The following USP32 variants were observed in gnomAD, a reference collection of about 807,000 sequenced individuals.
USP32 encodes the protein ubiquitin carboxyl-terminal hydrolase 32.
USP32 carries 59 observed loss-of-function variants against 204.8 expected under a neutral mutation model. The ratio of observed to expected loss-of-function variants is 0.29; its 90% confidence interval spans 0.23 to 0.36. USP32 has a LOEUF of 0.36. USP32 is among the 10% of genes least tolerant of loss of function. USP32 has a pLI of 1.00. For missense variants in USP32, 1,160 were observed against 1,946.4 expected (o/e 0.60, Z 7.60); for synonymous variants, 517 against 678.4 (o/e 0.76, Z 3.70).
chr17:60,294,625 A>T, intron 4 of USP32, 58 bp downstream of exon 4: 1 of 1,147,760 alleles, frequency 8.7e-7, no homozygotes, highest in Non-Finnish European at 1.3e-6. Context: ...CTTATTACAC[A>T]ACTAAGAGTT....
chr17:60,222,234 G>T (rs918640415), intron 15 of USP32, among the ~76,000 whole-genome samples, 175 bp downstream of exon 15: 1 of 152,136 alleles, frequency 6.6e-6, no homozygotes, highest in Non-Finnish European at 1.5e-5. Flanking sequence ...CTTTATTTAT[G>T]AATGAATGAA....
upstream of USP32, among the ~76,000 whole-genome samples, chr17:60,396,262 A>C (rs1186442535): frequency 6.6e-6 from 1 of 151,864 alleles, no homozygotes; most frequent in Non-Finnish European, 1.5e-5. Context: ...TTTTCTGTAG[A>C]GACAGAGTTT....
Position 60,207,015 on chromosome 17 carries a change from T to G in USP32, c.3037+6A>C. ...ATCATGAGAAGGAGTTCTAGTTCTA[T>G]CTTACCTGTCTGTGTTGGACTAGAA... On this transcript the variant is annotated splice_donor_region_variant and intron_variant, in intron 25 of 33. Coordinates refer to ENST00000300896, the MANE Select transcript of USP32 (RefSeq NM_032582.4). 6.2e-7 allele frequency: 1 copy of G among 1,611,414 alleles called. No individual in the cohort carries two copies. Among genetic ancestry groups the G allele is most frequent in the African/African-American group, 1.3e-5 (1 of 74,922 alleles).
chr17:60,228,756 G>A (rs1042806416), intron 12 of USP32, among the ~76,000 whole-genome samples: 1 of 151,974 alleles, frequency 6.6e-6, no homozygotes, highest in African/African-American at 2.4e-5. Flanking sequence ...CCCAGGGGGT[G>A]GAGGTTGAAG....
chr17:60,186,290 G>T (rs1330760123), intron 29 of USP32, among the ~76,000 whole-genome samples: 1 of 152,188 alleles, frequency 6.6e-6, no homozygotes, highest in African/African-American at 2.4e-5. Flanking sequence ...CTCAAGCCAG[G>T]GGTGCTGATA....
chr17:60,306,660 AGCT>A (rs2087732301), intron 2 of USP32, among the ~76,000 whole-genome samples: 1 of 152,062 alleles, frequency 6.6e-6, no homozygotes, highest in African/African-American at 2.4e-5. Flanking sequence ...AAATGTCTTT[AGCT>A]ATTAAAAAAG....
chr17:60,222,822 C>T (rs1360996104), intron 14 of USP32, among the ~76,000 whole-genome samples: 1 of 151,596 alleles, frequency 6.6e-6, no homozygotes, highest in African/African-American at 2.4e-5. Flanking sequence ...TCTGGGATTA[C>T]AGGCACACGT....
chr17:60,301,431 A>G (rs576249788), intron 3 of USP32, 168 bp downstream of exon 3: 8 of 487,806 alleles, frequency 1.6e-5, no homozygotes, highest in South Asian at 5.8e-5. Flanking sequence ...ATTTTAATTT[A>G]TATTTCTCTA....
chr17:60,230,912 G>A (rs921246304), intron 12 of USP32, among the ~76,000 whole-genome samples: 12 of 152,020 alleles, frequency 7.9e-5, no homozygotes, highest in East Asian at 3.8e-4. Context: ...GGCTGCTTGC[G>A]GAAATTTTTG....
chr17:60,380,213 G>A (rs1314914713), intron 1 of USP32, among the ~76,000 whole-genome samples: 3 of 152,120 alleles, frequency 2.0e-5, no homozygotes, highest in African/African-American at 7.2e-5. Flanking sequence ...ATAGATAAAA[G>A]CAGTCTATGG....
At chr17:60,304,725 C>T (rs1598220709) in intron 2 of USP32, among the ~76,000 whole-genome samples, 1 of 152,144 alleles carries the variant, frequency 6.6e-6, no homozygotes, top group Non-Finnish European at 1.5e-5. Context: ...GTTTATTATA[C>T]CAATTCACAT....
At chr17:60,231,769 A>C (rs2085557620) in intron 12 of USP32, 2 of 263,514 alleles carry the variant, frequency 7.6e-6, no homozygotes, top group South Asian at 8.3e-5. Context: ...CACATTATGT[A>C]ATGTAATAAT....
chr17:60,409,603 A>T (rs2090003917), intron 1 of USP32, among the ~76,000 whole-genome samples: 1 of 152,242 alleles, frequency 6.6e-6, no homozygotes, highest in Non-Finnish European at 1.5e-5. Flanking sequence ...GATAAATCTG[A>T]CATAGAAAAA....
chr17:60,383,179 G>A (rs1019964986), intron 1 of USP32, among the ~76,000 whole-genome samples: 1 of 149,596 alleles, frequency 6.7e-6, no homozygotes, highest in Middle Eastern at 3.4e-3. Context: ...CCAGGAGGTA[G>A]AGGTTGCAGT....
chr17:60,194,191 G>A (rs537768661), intron 27 of USP32, among the ~76,000 whole-genome samples: 12 of 152,086 alleles, frequency 7.9e-5, no homozygotes, highest in East Asian at 5.8e-4. Context: ...TTACAGGCAC[G>A]CAACACCATA....
In USP32 at chr17:60,259,494, G is replaced by A. The variant is rs552505714; in HGVS notation, c.991-4236C>T. ...GGAGTCTTGTCCAGGGTTGGTTCCT[G>A]TCTTGTACCCTGAGCTGCAGGGATA... On this transcript the variant is annotated intron_variant, in intron 9 of 33. Coordinates refer to ENST00000300896, the MANE Select transcript of USP32 (RefSeq NM_032582.4). Among the ~76,000 whole-genome samples the A allele has an allele frequency of 4.6e-5, 7 of 152,256 alleles. No individual in the cohort carries two copies. In the South Asian group the frequency reaches 1.5e-3, roughly 32 times the overall value.
chr17:60,392,080 T>C lies in USP32; in HGVS notation c.-141A>G. On this transcript the variant is annotated 5_prime_UTR_variant, in exon 1 of 34. Transcript: ENST00000300896. ...CTCCCCCCACACTAACAAGTGCGGC[T>C]TCTGCCCCGGCGGCTCCTCCCGGTC... 1.1e-6 allele frequency: 1 copy of C among 925,548 alleles called. No individual in the cohort carries two copies. Among genetic ancestry groups the C allele is most frequent in the Non-Finnish European group, 1.5e-6 (1 of 656,422 alleles). The allele number at this position is 925,548 out of a possible 1,614,324, so 57.3% of individuals were successfully genotyped here.
At chr17:60,223,612 C>G (rs763883309) in intron 13 of USP32, 26 bp from the exon 14 acceptor site, 4 of 1,570,740 alleles carry the variant, frequency 2.5e-6, no homozygotes, top group South Asian at 2.4e-5. Flanking sequence ...AGGATAGAAT[C>G]TCTTATTTTT....
intron 1 of USP32, among the ~76,000 whole-genome samples, chr17:60,355,919 T>G (rs2089065802): frequency 6.7e-6 from 1 of 148,320 alleles, no homozygotes; most frequent in Non-Finnish European, 1.5e-5. Flanking sequence ...AAAGCAGTAT[T>G]TGTGGTGTTT....
Sources: allele counts gnomAD v4.1 joint callset (sites outside exome capture counted in the v4.1 genomes callset), GRCh38; gene constraint gnomAD v4.1.1; transcripts MANE v1.5; gene names NCBI Gene and HGNC (gene_info 2026-07-23, HGNC 2026-07-21).